ANO2: variants seen among roughly 807,000 people sequenced by gnomAD.
ANO2 encodes anoctamin 2.
ANO2 carries 101 observed loss-of-function variants against 124.2 expected under a neutral mutation model. The observed-to-expected ratio is 0.81, with a 90% confidence interval of 0.69 to 0.96. The LOEUF (loss-of-function observed/expected upper bound fraction) is 0.96, where lower values mean the gene tolerates loss of function less well. Ranked by LOEUF, ANO2 falls within the 40% of genes least tolerant of loss-of-function variation. The pLI is 0.00. For synonymous variants in ANO2, 486 were observed against 482.5 expected (o/e 1.01, Z -0.09); for missense variants, 1,293 against 1,274.5 (o/e 1.01, Z -0.22).
At chr12:5,841,207 C>T (rs559275175) in intron 4 of ANO2, among the ~76,000 whole-genome samples, 4 of 152,290 alleles carry the variant, frequency 2.6e-5, no homozygotes, top group African/African-American at 9.6e-5. Flanking sequence ...AGCCTTTCAG[C>T]GATCAAAAGG....
chr12:5,632,590 G>A (rs532483562), intron 16 of ANO2, among the ~76,000 whole-genome samples: 2 of 152,080 alleles, frequency 1.3e-5, no homozygotes, highest in Admixed American at 1.3e-4. Context: ...GGGCAAGGAG[G>A]GTGTGCCAGT....
At chr12:5,915,064 G>T (rs904845244) in intron 3 of ANO2, among the ~76,000 whole-genome samples, 3 of 152,128 alleles carry the variant, frequency 2.0e-5, no homozygotes, top group Admixed American at 2.0e-4. Flanking sequence ...CTCAAGGCTG[G>T]GGCAGTCTCC....
At chr12:5,665,122 G>A (rs577548408) in intron 14 of ANO2, among the ~76,000 whole-genome samples, 3 of 152,042 alleles carry the variant, frequency 2.0e-5, no homozygotes, top group Admixed American at 6.5e-5. Flanking sequence ...CTTCAGCTCC[G>A]TTTCTTCCCT....
chr12:5,807,255 T>G, intron 8 of ANO2, 58 bp downstream of exon 8: 1 of 1,453,472 alleles, frequency 6.9e-7, no homozygotes. Flanking sequence ...CACTGAAAAG[T>G]TGTGGTTTTC....
intron 10 of ANO2, among the ~76,000 whole-genome samples, chr12:5,776,059 C>A (rs1461457587): frequency 6.6e-6 from 1 of 152,216 alleles, no homozygotes; most frequent in Non-Finnish European, 1.5e-5. Flanking sequence ...CACCCTCTAT[C>A]TCCAAACCAA....
intron 15 of ANO2, among the ~76,000 whole-genome samples, chr12:5,638,834 C>A (rs1201205163): frequency 1.3e-5 from 2 of 152,032 alleles, no homozygotes; most frequent in Admixed American, 1.3e-4. Flanking sequence ...ACTTCTGGGA[C>A]ATAAACAAAA....
At chr12:5,792,317 CCTT>C (rs1269540363) in intron 10 of ANO2, among the ~76,000 whole-genome samples, 1 of 152,226 alleles carries the variant, frequency 6.6e-6, no homozygotes, top group Non-Finnish European at 1.5e-5. Context: ...CAGCCTCACT[CCTT>C]CTCCATTTTG....
chr12:5,581,478 T>C (rs1942755284), intron 20 of ANO2, among the ~76,000 whole-genome samples: 1 of 152,194 alleles, frequency 6.6e-6, no homozygotes, highest in African/African-American at 2.4e-5. Context: ...GACTCTCCAC[T>C]TCCTCTTCTC....
chr12:5,660,119 A>C (rs184641132), intron 14 of ANO2, among the ~76,000 whole-genome samples: 204 of 152,158 alleles, frequency 1.3e-3, no homozygotes, highest in African/African-American at 4.7e-3. Flanking sequence ...ACTTTACAAC[A>C]GGTTTATCAG....
intron 20 of ANO2, among the ~76,000 whole-genome samples, chr12:5,598,963 C>T (rs1364552050): frequency 2.1e-5 from 1 of 47,292 alleles, no homozygotes; most frequent in Non-Finnish European, 5.9e-5. Flanking sequence ...CCGAAATAGA[C>T]CCAACTTTTG....
In ANO2 at chr12:5,703,745, C is replaced by T. The variant is rs575586517; in HGVS notation, c.1545+28775G>A. 5.9e-5 allele frequency among the ~76,000 whole-genome samples: 9 copies of T among 152,244 alleles called. No individual in the cohort carries two copies. In the South Asian group the frequency reaches 1.9e-3, roughly 32 times the overall value. ...AAATTTTTTTGTAGAGACAGGGTCT[C>T]CTTATGTTGCCCAGGCTGGTCTCAA... On this transcript the variant is annotated intron_variant, in intron 14 of 24. Coordinates refer to ENST00000682330, the MANE Select transcript of ANO2 (RefSeq NM_001364791.2).
At chr12:5,689,680 G>T (rs1216269090) in intron 14 of ANO2, among the ~76,000 whole-genome samples, 1 of 152,138 alleles carries the variant, frequency 6.6e-6, no homozygotes, top group Non-Finnish European at 1.5e-5. Flanking sequence ...CACACAAGTA[G>T]GTGGACACGG....
At position 5,922,763 on chromosome 12, in the gene ANO2, G is replaced by A; in HGVS notation, c.64C>T (p.Gln22Ter). Residue 22 changes from glutamine to a stop codon, truncating the protein, a stop_gained, in exon 2 of 25, where the codon CAG (glutamine) becomes TAG (stop). Transcript: ENST00000682330. LOFTEE classifies it high-confidence loss of function. ...CCCTGGCCCCCTCTGGACCCTGCCT[G>A]AGGGCTCAGCCGGCGTGGGGAGCCA... is the stretch of plus-strand genomic sequence containing the variant. ...LPGSPRRLSPQAGSRGGQGPK... is the reference protein window; with the variant it reads ...LPGSPRRLSP The A allele has an allele frequency of 6.4e-7, 1 of 1,562,220 alleles. No homozygotes were observed. The highest frequency in any genetic ancestry group is 8.7e-7 in the Non-Finnish European group (1 of 1,154,622).
chr12:5,688,664 C>T (rs867823706), intron 14 of ANO2, among the ~76,000 whole-genome samples: 2 of 152,284 alleles, frequency 1.3e-5, no homozygotes, highest in Middle Eastern at 6.8e-3. Context: ...ACAGTTTAAT[C>T]CAAATTTGCC....
chr12:5,852,590 A>G (rs971501009), intron 4 of ANO2, among the ~76,000 whole-genome samples: 2 of 152,052 alleles, frequency 1.3e-5, no homozygotes, highest in African/African-American at 2.4e-5. Context: ...GTGATTTTTG[A>G]TGGAGATAGC....
intron 1 of ANO2, among the ~76,000 whole-genome samples, chr12:5,924,556 C>T (rs1256618643): frequency 6.6e-6 from 1 of 152,178 alleles, no homozygotes; most frequent in Admixed American, 6.5e-5. Context: ...AATGAAAACT[C>T]AGGACCCCAT....
intron 20 of ANO2, among the ~76,000 whole-genome samples, chr12:5,593,057 T>A (rs1037289759): frequency 9.2e-5 from 14 of 152,302 alleles, no homozygotes; most frequent in African/African-American, 3.4e-4. Context: ...TTCAAAATAA[T>A]TATCTGGCTT....
chr12:5,685,679 G>A (rs1334559565), intron 14 of ANO2, among the ~76,000 whole-genome samples: 1 of 152,188 alleles, frequency 6.6e-6, no homozygotes, highest in Non-Finnish European at 1.5e-5. Context: ...CCAGCTATGT[G>A]GGGAGCTGAG....
intron 14 of ANO2, among the ~76,000 whole-genome samples, chr12:5,712,199 G>C (rs746378785): frequency 6.6e-6 from 1 of 152,110 alleles, no homozygotes; most frequent in African/African-American, 2.4e-5. Flanking sequence ...GGTTGCTACA[G>C]GGTAGTAAGC....
Sources: gnomAD v4.1 joint callset for allele counts (sites outside exome capture counted in the v4.1 genomes callset) on GRCh38, gnomAD v4.1.1 for gene constraint, MANE v1.5 for transcripts, NCBI Gene and HGNC (gene_info 2026-07-23, HGNC 2026-07-21) for gene names.